Variants in DNM1L observed in about 807,000 individuals in gnomAD.
DNM1L encodes dynamin 1L, also known as dynamin-1-like protein.
Under a neutral mutation model 92.8 loss-of-function variants are expected in DNM1L, and 33 were observed. The observed-to-expected ratio is 0.36, with a 90% CI of 0.27 to 0.48. The LOEUF is 0.48. Ranked by LOEUF, DNM1L falls within the 20% of genes least tolerant of loss-of-function variation. The probability of loss-of-function intolerance (pLI) is 0.99; values close to 1 mark genes in which losing one functional copy is unlikely to be tolerated. For synonymous variants in DNM1L, 284 were observed against 305.0 expected (o/e 0.93, Z 0.72); for missense variants, 485 against 888.8 (o/e 0.55, Z 5.78).
chr12:32,691,739 T>C (rs558336587), intron 1 of DNM1L, among the ~76,000 whole-genome samples: 2 of 147,926 alleles, frequency 1.4e-5, no homozygotes, highest in Admixed American at 1.3e-4. Context: ...AGGTGAGTGC[T>C]AAGAGAGCCA....
At chr12:32,711,121 C>T in intron 5 of DNM1L, 106 bp downstream of exon 5, 1 of 975,560 alleles carries the variant, frequency 1.0e-6, no homozygotes, top group Non-Finnish European at 1.6e-6. Flanking sequence ...CTGTTAGCAG[C>T]ATTTGATAAC....
At chr12:32,726,645 G>C in intron 9 of DNM1L, 1 of 796,976 alleles carries the variant, frequency 1.3e-6, no homozygotes, top group South Asian at 1.7e-5. Context: ...AACTTCAGGA[G>C]GGGCAAGAAA....
chr12:32,706,629 C>A, intron 2 of DNM1L: 1 of 452,256 alleles, frequency 2.2e-6, no homozygotes, highest in Non-Finnish European at 4.4e-6. Flanking sequence ...ACTCCTTACG[C>A]TGCATATACC....
chr12:32,697,373 C>G (rs1395123520), intron 1 of DNM1L, among the ~76,000 whole-genome samples: 1 of 152,126 alleles, frequency 6.6e-6, no homozygotes, highest in Admixed American at 6.5e-5. Flanking sequence ...ATTTGTATTA[C>G]ACGTAACTAA....
In DNM1L at chr12:32,707,402, A is replaced by G; in HGVS notation, c.286A>G (p.Thr96Ala). Residue 96 changes from threonine to alanine, a missense_variant, in exon 3 of 20, where the codon ACC becomes GCC. Physicochemically the swap from Thr to Ala is moderately conservative, Grantham distance 58. Coordinates refer to ENST00000549701, the MANE Select transcript of DNM1L (RefSeq NM_012062.5). ...AGAAGAATGGGGTAAATTTCTTCAC[A>G]CCAAAAATAAGGTAATCACACATGC... ...EAEEWGKFLH[T>A]KNKLYTDFDE... 1 of 1,605,712 alleles carries G rather than the reference A, an allele frequency of 6.2e-7. No homozygotes were observed. The highest frequency in any genetic ancestry group is 8.5e-7 in the Non-Finnish European group (1 of 1,176,312).
intron 8 of DNM1L, 66 bp from the exon 9 acceptor site, chr12:32,722,361 T>G: frequency 7.4e-7 from 1 of 1,358,386 alleles, no homozygotes; most frequent in Non-Finnish European, 1.0e-6. Context: ...TGTAAAAATT[T>G]GACTTGTTTA....
intron 2 of DNM1L, among the ~76,000 whole-genome samples, chr12:32,702,675 G>A (rs1157318764): frequency 6.7e-6 from 1 of 150,348 alleles, no homozygotes; most frequent in Non-Finnish European, 1.5e-5. Context: ...TGTTGGTGGT[G>A]ATGACTTGAA....
chr12:32,726,644 A>G, intron 9 of DNM1L: 1 of 797,542 alleles, frequency 1.3e-6, no homozygotes, highest in Middle Eastern at 3.4e-4. Flanking sequence ...GAACTTCAGG[A>G]GGGGCAAGAA....
intron 2 of DNM1L, among the ~76,000 whole-genome samples, chr12:32,702,384 T>C (rs994456185): frequency 3.3e-5 from 5 of 152,130 alleles, no homozygotes; most frequent in Non-Finnish European, 7.4e-5. Context: ...ATTATACTTA[T>C]ATTAATGAGG....
intron 6 of DNM1L, among the ~76,000 whole-genome samples, chr12:32,715,345 A>C (rs540565100): frequency 1.4e-4 from 21 of 152,236 alleles, no homozygotes; most frequent in African/African-American, 4.8e-4. Flanking sequence ...GAAACAACTT[A>C]ATATGGCCAG....
intron 9 of DNM1L, among the ~76,000 whole-genome samples, chr12:32,723,813 A>G (rs2137455651): frequency 6.6e-6 from 1 of 152,284 alleles, no homozygotes; most frequent in East Asian, 1.9e-4. Context: ...AAGCAAAGGA[A>G]ATGATTTTGA....
At chr12:32,711,704 G>A (rs1402408175) in intron 5 of DNM1L, among the ~76,000 whole-genome samples, 3 of 151,978 alleles carry the variant, frequency 2.0e-5, no homozygotes, top group Admixed American at 6.6e-5. Flanking sequence ...AGACCAGCCT[G>A]GGCAACATAG....
chr12:32,697,006 T>A (rs1489888430), intron 1 of DNM1L, among the ~76,000 whole-genome samples: 1 of 149,690 alleles, frequency 6.7e-6, no homozygotes, highest in African/African-American at 2.5e-5. Context: ...GGTGGGCGGA[T>A]CACTTTGAGG....
rs572377202 is a variant in DNM1L at position 32,719,565 on chromosome 12, A to G, written c.740+802A>G. On this transcript the variant is annotated intron_variant, in intron 7 of 19. Transcript: ENST00000549701. The stretch of plus-strand genomic sequence containing the variant: ...TATTAAAAACTGGGAAAAGGAAACT[A>G]GTATTGAGTGTCTAATTAAAGGTGA... Among the ~76,000 whole-genome samples the G allele has an allele frequency of 9.9e-5, 15 of 152,222 alleles. No homozygotes were observed. The South Asian group carries it at 3.1e-3, about 32-fold the overall frequency.
At chr12:32,679,641 C>T in intron 1 of DNM1L, 176 bp downstream of exon 1, 1 of 1,327,250 alleles carries the variant, frequency 7.5e-7, no homozygotes, top group African/African-American at 1.6e-5. Context: ...ACCCGCCCTC[C>T]CGGGGCAGCG....
At chr12:32,681,421 C>T (rs1248068802) in intron 1 of DNM1L, among the ~76,000 whole-genome samples, 1 of 152,002 alleles carries the variant, frequency 6.6e-6, no homozygotes, top group Non-Finnish European at 1.5e-5. Context: ...CATGGTGGTG[C>T]GAACCTGTAG....
intron 16 of DNM1L, 88 bp from the exon 17 acceptor site, chr12:32,739,976 A>C (rs957020546): frequency 1.4e-5 from 22 of 1,539,502 alleles, no homozygotes; most frequent in Non-Finnish European, 2.0e-5. Context: ...TACTGGATGT[A>C]TATTGACTAC....
chr12:32,744,032 C>CAATT lies in DNM1L; in HGVS notation c.*623_*626dup, dbSNP rs1477901965. 2 of 152,394 alleles carry CAATT rather than the reference C, an allele frequency of 1.3e-5. No homozygotes were observed. The highest frequency in any genetic ancestry group is 4.8e-5 in the African/African-American group (2 of 41,438). 9.4% of individuals were successfully genotyped at this position (152,394 alleles called of 1,614,324 possible). A position where few individuals can be genotyped will look rare whatever the true frequency, so the allele number is the denominator to read the frequency against. On this transcript the variant is annotated 3_prime_UTR_variant, in exon 20 of 20. Coordinates refer to ENST00000549701, the MANE Select transcript of DNM1L (RefSeq NM_012062.5). ...ATACTGTGTAGTTACATAGCCCTTC[C>CAATT]AATTCTGGGTCCATTTGCACTAGCA...
At position 32,722,870 on chromosome 12, in the gene DNM1L, T is replaced by TTAAA. The variant is rs59553064; in HGVS notation, c.1079+239_1079+240insAATA. The stretch of plus-strand genomic sequence containing the variant: ...AAATATTTTAATATTTTATAAGTAT[T>TTAAA]TACTTATTTTTATAAGTATTTAATA... On this transcript the variant is annotated intron_variant, in intron 9 of 19. Transcript: ENST00000549701. 0.15 allele frequency: 25,122 copies of TTAAA among 172,742 alleles called. 1,968 individuals carry two copies. The highest frequency in any genetic ancestry group is 0.2 in the African/African-American group (8,437 of 41,846). The allele number at this position is 172,742 out of a possible 1,614,324, so 10.7% of individuals were successfully genotyped here.
Sources: gnomAD v4.1 joint callset for allele counts (sites outside exome capture counted in the v4.1 genomes callset) on GRCh38, gnomAD v4.1.1 for gene constraint, MANE v1.5 for transcripts, NCBI Gene and HGNC (gene_info 2026-07-23, HGNC 2026-07-21) for gene names.